LARP1B: variants seen among roughly 807,000 people sequenced by gnomAD.
The protein encoded by LARP1B is La ribonucleoprotein 1B.
A neutral mutation model predicts 114.2 loss-of-function variants in LARP1B; 76 were observed. The ratio of observed to expected loss-of-function variants is 0.67; its 90% confidence interval spans 0.55 to 0.81. LARP1B has a LOEUF of 0.81. Ranked by LOEUF, LARP1B falls within the 30% of genes least tolerant of loss-of-function variation. LARP1B has a pLI of 0.00. For synonymous variants in LARP1B, 345 were observed against 348.0 expected, an observed-to-expected ratio of 0.99 and a Z score of 0.10; for missense variants, 1,014 against 1,075.8, an observed-to-expected ratio of 0.94 and a Z score of 0.80.
intron 13 of LARP1B, among the ~76,000 whole-genome samples, chr4:128,177,365 T>C (rs563626439): frequency 5.3e-5 from 8 of 151,984 alleles, no homozygotes; most frequent in African/African-American, 1.7e-4. Context: ...AAAGTTGTTA[T>C]ATGAATCAAA....
chr4:128,101,874 CCT>C (rs754101327), intron 8 of LARP1B, among the ~76,000 whole-genome samples: 79 of 152,212 alleles, frequency 5.2e-4, no homozygotes, highest in Admixed American at 1.8e-3. Context: ...CCATTTTTTC[CCT>C]GTCTACTTCT....
intron 11 of LARP1B, chr4:128,155,368 G>A (rs1401464113): frequency 5.3e-6 from 3 of 570,534 alleles, no homozygotes; most frequent in Admixed American, 3.0e-5. Flanking sequence ...CGTGGACCAC[G>A]CGGAGCCGCC....
chr4:128,168,439 T>A (rs1235899819), intron 12 of LARP1B, among the ~76,000 whole-genome samples: 1 of 152,106 alleles, frequency 6.6e-6, no homozygotes, highest in Non-Finnish European at 1.5e-5. Context: ...CTTTTGTTAC[T>A]GAGCTTTGAG....
At chr4:128,151,495 T>G (rs1053363442) in intron 11 of LARP1B, among the ~76,000 whole-genome samples, 1 of 152,202 alleles carries the variant, frequency 6.6e-6, no homozygotes, top group Non-Finnish European at 1.5e-5. Flanking sequence ...TGCTGCCTTT[T>G]TTTTTCTTTT....
chr4:128,207,426 T>C (rs1757905650), intron 19 of LARP1B, 43 bp downstream of exon 19: 1 of 1,320,556 alleles, frequency 7.6e-7, no homozygotes, highest in South Asian at 2.0e-5. Flanking sequence ...ATTATCCATA[T>C]ATTTCAGTCT....
chr4:128,217,032 A>T (rs1008020654), intron 6 of LARP1B, among the ~76,000 whole-genome samples: 3 of 151,300 alleles, frequency 2.0e-5, no homozygotes, highest in African/African-American at 7.3e-5. Flanking sequence ...CAAATAAACT[A>T]GAAAATCTAG....
At chr4:128,154,826 T>A (rs10026123) in intron 11 of LARP1B, among the ~76,000 whole-genome samples, 62,337 of 151,928 alleles carry the variant, frequency 0.41, 13,965 homozygotes, top group African/African-American at 0.59. Flanking sequence ...CAAGTTGGAG[T>A]GCAATGGTGT....
At chr4:128,186,160 G>A (rs1014093218) in intron 15 of LARP1B, among the ~76,000 whole-genome samples, 1 of 151,806 alleles carries the variant, frequency 6.6e-6, no homozygotes, top group Non-Finnish European at 1.5e-5. Flanking sequence ...GATTTTTCAC[G>A]GCCTTTTGTG....
intron 8 of LARP1B, 35 bp from the exon 9 acceptor site, chr4:128,107,104 G>T: frequency 6.4e-7 from 1 of 1,559,910 alleles, no homozygotes; most frequent in Non-Finnish European, 8.8e-7. Context: ...CAGTGAAATA[G>T]CTCATAATTT....
chr4:128,155,401 T>G, intron 11 of LARP1B: 1 of 624,912 alleles, frequency 1.6e-6, no homozygotes, highest in Non-Finnish European at 2.9e-6. Context: ...GTTCTGAGAC[T>G]TCAGGGAACC....
chr4:128,166,568 C>A (rs1740906201), intron 12 of LARP1B, among the ~76,000 whole-genome samples: 1 of 151,784 alleles, frequency 6.6e-6, no homozygotes, highest in South Asian at 2.1e-4. Context: ...CACATAGTTA[C>A]CTTTTTTTGT....
At chr4:128,183,899 A>C (rs1749430250) in intron 15 of LARP1B, among the ~76,000 whole-genome samples, 1 of 152,218 alleles carries the variant, frequency 6.6e-6, no homozygotes, top group South Asian at 2.1e-4. Context: ...CTCAGACTTC[A>C]GTGGAGGATT....
intron 17 of LARP1B, among the ~76,000 whole-genome samples, chr4:128,205,129 T>C (rs1757214713): frequency 6.6e-6 from 1 of 152,258 alleles, no homozygotes; most frequent in Admixed American, 6.5e-5. Flanking sequence ...GGTTGCTGTA[T>C]AAGTGTGTAG....
intron 11 of LARP1B, among the ~76,000 whole-genome samples, chr4:128,160,366 G>A (rs189781756): frequency 6.6e-6 from 1 of 152,316 alleles, no homozygotes; most frequent in African/African-American, 2.4e-5. Context: ...TATTGAAGGT[G>A]TATGAGCTAT....
intron 11 of LARP1B, among the ~76,000 whole-genome samples, chr4:128,130,310 C>T (rs1791158356): frequency 6.6e-6 from 1 of 152,016 alleles, no homozygotes; most frequent in African/African-American, 2.4e-5. Context: ...GAAAACAGAA[C>T]CCAATTTAAA....
chr4:128,214,802 T>A (rs1759415908), downstream of LARP1B, among the ~76,000 whole-genome samples: 1 of 35,052 alleles, frequency 2.9e-5, no homozygotes, highest in African/African-American at 1.2e-4. Flanking sequence ...AGAATGATTT[T>A]GACGAGCTGA....
At chr4:128,113,105 TTAA>T (rs1421394048) in intron 9 of LARP1B, among the ~76,000 whole-genome samples, 2 of 152,098 alleles carry the variant, frequency 1.3e-5, no homozygotes, top group Admixed American at 1.3e-4. Flanking sequence ...CTTAGAGGAG[TTAA>T]TGATGTTAAG....
intron 9 of LARP1B, among the ~76,000 whole-genome samples, chr4:128,109,913 G>T (rs967476155): frequency 6.6e-5 from 10 of 151,208 alleles, no homozygotes; most frequent in Non-Finnish European, 8.8e-5. Flanking sequence ...TATTTTTTTT[G>T]TTGTTGTTGA....
rs577121688 is a variant in LARP1B, at chr4:128,140,908, C to T, written c.1524+18720C>T. ...TCGGCTCACTGCAACCTCCGCCTCC[C>T]GGGTTCAAGCGATTCTGCTGCCTCA... On this transcript the variant is annotated intron_variant, in intron 11 of 19. Coordinates refer to ENST00000326639, the MANE Select transcript of LARP1B (RefSeq NM_018078.4). 9.8e-4 allele frequency among the ~76,000 whole-genome samples: 149 copies of T among 151,608 alleles called. 1 individual carries two copies. Among genetic ancestry groups the T allele is most frequent in the African/African-American group, 3.4e-3 (140 of 41,372 alleles).
Sources: allele counts gnomAD v4.1 joint callset (sites outside exome capture counted in the v4.1 genomes callset), GRCh38; gene constraint gnomAD v4.1.1; transcripts MANE v1.5; gene names NCBI Gene and HGNC (gene_info 2026-07-23, HGNC 2026-07-21).